The following NBEA variants were observed in gnomAD, a reference collection of about 807,000 sequenced individuals.
NBEA encodes the protein neurobeachin, also known as lysosomal-trafficking regulator 2.
NBEA carries 44 observed loss-of-function variants against 343.4 expected under a neutral mutation model. That is an observed-to-expected ratio of 0.13 (90% CI 0.10 to 0.16). NBEA has a LOEUF of 0.16. Among genes scored for constraint, NBEA ranks in the 10% least tolerant of loss-of-function variants. NBEA has a pLI of 1.00. For missense variants in NBEA, 2,555 were observed against 3,631.3 expected (o/e 0.70, Z 7.62); for synonymous variants, 1,175 against 1,238.7 (o/e 0.95, Z 1.08).
chr13:35,421,456 C>CT (rs1239217231), intron 38 of NBEA, among the ~76,000 whole-genome samples: 1 of 152,034 alleles, frequency 6.6e-6, no homozygotes, highest in Admixed American at 6.6e-5. Context: ...TTTCACATCC[C>CT]TTTGCCTTCC....
intron 41 of NBEA, among the ~76,000 whole-genome samples, chr13:35,538,992 G>A (rs1485352055): frequency 6.6e-6 from 1 of 152,174 alleles, no homozygotes; most frequent in Non-Finnish European, 1.5e-5. Context: ...TTTTAATATA[G>A]CTGGTTTTAA....
chr13:35,203,953 T>A lies in NBEA; in HGVS notation c.5367-4747T>A, dbSNP rs536875284. Among the ~76,000 whole-genome samples, 54 of 152,284 alleles carry A rather than the reference T, an allele frequency of 3.5e-4. No homozygotes were observed. The South Asian group carries it at 5.0e-3, about 14-fold the overall frequency. The stretch of plus-strand genomic sequence containing the variant: ...TGGAAAGCATAGTATTGAGATTTTT[T>A]AAAAAATTCCATTGGTAAGGAATAT... On this transcript the variant is annotated intron_variant, in intron 31 of 58. Coordinates refer to ENST00000379939, the MANE Select transcript of NBEA (RefSeq NM_001385012.1).
At chr13:35,413,947 T>A (rs1310455743) in intron 38 of NBEA, among the ~76,000 whole-genome samples, 1 of 152,126 alleles carries the variant, frequency 6.6e-6, no homozygotes, top group African/African-American at 2.4e-5. Context: ...ATAATAAAAG[T>A]ATAAGCTAGC....
chr13:35,112,836 G>T (rs1405315217), intron 13 of NBEA, among the ~76,000 whole-genome samples: 1 of 151,936 alleles, frequency 6.6e-6, no homozygotes, highest in African/African-American at 2.4e-5. Context: ...ATGATACTCT[G>T]TCACCTCTAA....
chr13:35,058,626 A>ATTGTT, intron 7 of NBEA, 91 bp from the exon 8 acceptor site: 1 of 964,432 alleles, frequency 1.0e-6, no homozygotes, highest in Non-Finnish European at 1.6e-6. Context: ...GTTATATTTT[A>ATTGTT]AAATATTCAT....
intron 34 of NBEA, among the ~76,000 whole-genome samples, chr13:35,279,105 T>C (rs183720818): frequency 6.6e-6 from 1 of 152,310 alleles, no homozygotes; most frequent in East Asian, 1.9e-4. Flanking sequence ...TCATTAGGTA[T>C]ACAATGTAAT....
chr13:35,012,410 C>A (rs1339731365), intron 1 of NBEA, among the ~76,000 whole-genome samples: 5 of 152,180 alleles, frequency 3.3e-5, no homozygotes, highest in Non-Finnish European at 5.9e-5. Flanking sequence ...ACCCATCTCC[C>A]AACAATGTTG....
Position 35,128,158 on chromosome 13 carries a change from C to T in NBEA, c.2336+4584C>T, listed in dbSNP as rs111251895. 6.5e-3 allele frequency among the ~76,000 whole-genome samples: 981 copies of T among 151,302 alleles called. 11 individuals carry two copies. Among genetic ancestry groups the T allele is most frequent in the African/African-American group, 0.023 (929 of 41,262 alleles). The stretch of plus-strand genomic sequence containing the variant: ...CGAGATGATGAGTTAGTGGGTGCAG[C>T]GCACCAGCATGGCACATGTATACCT... On this transcript the variant is annotated intron_variant, in intron 17 of 58. Coordinates refer to ENST00000379939, the MANE Select transcript of NBEA (RefSeq NM_001385012.1).
At chr13:35,158,198 G>A (rs1360113238) in intron 21 of NBEA, among the ~76,000 whole-genome samples, 5 of 151,876 alleles carry the variant, frequency 3.3e-5, no homozygotes, top group Non-Finnish European at 5.9e-5. Context: ...TAAAATTAAG[G>A]GGATTTTTGT....
intron 36 of NBEA, among the ~76,000 whole-genome samples, chr13:35,345,082 C>T (rs1198837365): frequency 6.6e-6 from 1 of 151,988 alleles, no homozygotes; most frequent in Non-Finnish European, 1.5e-5. Context: ...CCCATGAATG[C>T]AGGAGTTGTT....
intron 34 of NBEA, among the ~76,000 whole-genome samples, chr13:35,247,101 C>T (rs1183064262): frequency 6.6e-6 from 1 of 152,110 alleles, no homozygotes; most frequent in Non-Finnish European, 1.5e-5. Flanking sequence ...ACCCAGTTCC[C>T]ACTCAACCCA....
intron 1 of NBEA, among the ~76,000 whole-genome samples, chr13:35,011,825 G>A (rs2061501570): frequency 6.6e-6 from 1 of 152,160 alleles, no homozygotes; most frequent in Non-Finnish European, 1.5e-5. Flanking sequence ...TGCTATTGCA[G>A]TTGTATGATA....
intron 17 of NBEA, among the ~76,000 whole-genome samples, chr13:35,131,304 A>G (rs764354405): frequency 2.0e-5 from 3 of 152,194 alleles, no homozygotes; most frequent in African/African-American, 4.8e-5. Flanking sequence ...AGGGAAATTT[A>G]TGGTCAATCT....
Position 35,616,847 on chromosome 13 carries a change from T to C in NBEA, c.7449+10269T>C, listed in dbSNP as rs115131650. ...ATATATACTTCTTACCTGTTATAACTTGTCTTTTTAACATCTAAAGTGCTG... is the reference window on the plus strand; with the variant it reads ...ATATATACTTCTTACCTGTTATAACCTGTCTTTTTAACATCTAAAGTGCTG... On this transcript the variant is annotated intron_variant, in intron 48 of 58. Transcript: ENST00000379939. Among the ~76,000 whole-genome samples the C allele has an allele frequency of 2.8e-3, 426 of 152,358 alleles. 1 individual carries two copies. Among genetic ancestry groups the C allele is most frequent in the African/African-American group, 9.8e-3 (406 of 41,586 alleles).
At position 35,001,027 on chromosome 13, in the gene NBEA, C is replaced by T. The variant is rs1295163123; in HGVS notation, c.295-39906C>T. Among the ~76,000 whole-genome samples the T allele has an allele frequency of 3.3e-5, 5 of 151,982 alleles. No individual in the cohort carries two copies. In the East Asian group the frequency reaches 9.7e-4, roughly 29 times the overall value. On this transcript the variant is annotated intron_variant, in intron 1 of 58. Coordinates refer to ENST00000379939, the MANE Select transcript of NBEA (RefSeq NM_001385012.1). ...ATGTTTCTGAGGTTGAACTTGAACT[C>T]CTGGACTCAGGTGATCCTCTCATCT...
intron 1 of NBEA, among the ~76,000 whole-genome samples, chr13:35,034,740 T>G (rs1295080980): frequency 6.6e-6 from 1 of 151,938 alleles, no homozygotes; most frequent in Non-Finnish European, 1.5e-5. Context: ...GTTTTGGATT[T>G]CTTCCTGGTT....
intron 47 of NBEA, among the ~76,000 whole-genome samples, chr13:35,605,040 C>T (rs556605401): frequency 6.6e-6 from 1 of 152,254 alleles, no homozygotes; most frequent in East Asian, 1.9e-4. Context: ...CCTGAGTACA[C>T]ATCACAGTTT....
At chr13:35,039,359 T>A (rs567699814) in intron 1 of NBEA, among the ~76,000 whole-genome samples, 13 of 152,290 alleles carry the variant, frequency 8.5e-5, no homozygotes, top group African/African-American at 2.9e-4. Context: ...ATGAAGAAGC[T>A]TTTTTCTGTG....
intron 17 of NBEA, among the ~76,000 whole-genome samples, chr13:35,124,996 C>T (rs2067040600): frequency 6.6e-6 from 1 of 151,892 alleles, no homozygotes; most frequent in South Asian, 2.1e-4. Flanking sequence ...GATGCAGCCT[C>T]CTAAAAATGT....
Sources: allele counts gnomAD v4.1 joint callset (sites outside exome capture counted in the v4.1 genomes callset), GRCh38; gene constraint gnomAD v4.1.1; transcripts MANE v1.5; gene names NCBI Gene and HGNC (gene_info 2026-07-23, HGNC 2026-07-21).